SYCP2L: variants seen among roughly 807,000 people sequenced by gnomAD.
SYCP2L encodes the protein synaptonemal complex protein 2-like.
SYCP2L carries 98 observed loss-of-function variants against 125.8 expected under a neutral mutation model. The ratio of observed to expected loss-of-function variants is 0.78; its 90% CI spans 0.66 to 0.92. The LOEUF (loss-of-function observed/expected upper bound fraction) is 0.92. Among genes scored for constraint, SYCP2L ranks in the 40% least tolerant of loss-of-function variants. SYCP2L has a pLI of 0.00. For missense variants in SYCP2L, 842 were observed against 936.4 expected (o/e 0.90, Z 1.32); for synonymous variants, 317 against 325.4 (o/e 0.97, Z 0.28).
At chr6:10,972,788 A>C (rs1299868159) in intron 29 of SYCP2L, among the ~76,000 whole-genome samples, 1 of 152,160 alleles carries the variant, frequency 6.6e-6, no homozygotes, top group Non-Finnish European at 1.5e-5. Flanking sequence ...TCAGCCTCCC[A>C]AAATGCTGAG....
rs771742852 is a variant in SYCP2L at position 10,927,312 on chromosome 6, A to G, written c.1385A>G (p.His462Arg). 1.4e-5 allele frequency: 22 copies of G among 1,614,054 alleles called. No homozygotes were observed. The highest frequency in any genetic ancestry group is 1.6e-5 in the Non-Finnish European group (19 of 1,180,038). Residue 462 changes from histidine (H) to arginine (R), a missense_variant, in exon 17 of 30, where the codon CAC becomes CGC. Transcript: ENST00000283141. ...AEDDRCLITLHLNDQSEPPVI... is the reference protein window; with the variant it reads ...AEDDRCLITLRLNDQSEPPVI... ...GATGACCGCTGCCTAATAACTCTCC[A>G]CTTAAATGACCAATCTGAGCCACCT...
At chr6:10,910,684 C>A in intron 11 of SYCP2L, 140 bp from the exon 12 acceptor site, 2 of 865,860 alleles carry the variant, frequency 2.3e-6, no homozygotes, top group Non-Finnish European at 3.8e-6. Context: ...TCTCCATTTG[C>A]AGGCTTGAAA....
chr6:10,955,532 A>G (rs1307454743), intron 24 of SYCP2L, among the ~76,000 whole-genome samples: 2 of 152,190 alleles, frequency 1.3e-5, no homozygotes, highest in Non-Finnish European at 2.9e-5. Context: ...TTTTTGTGTG[A>G]GAAATATCTA....
chr6:10,924,153 G>A (rs531400564), intron 14 of SYCP2L, among the ~76,000 whole-genome samples: 1 of 152,110 alleles, frequency 6.6e-6, no homozygotes, highest in Non-Finnish European at 1.5e-5. Flanking sequence ...GTATATTTGG[G>A]AATAAAATAC....
chr6:10,887,192 G>C, intron 1 of SYCP2L, 57 bp downstream of exon 1: 1 of 1,610,014 alleles, frequency 6.2e-7, no homozygotes, highest in Admixed American at 1.7e-5. Flanking sequence ...GCGCGCGAGG[G>C]CGCGGGGTCC....
At chr6:10,952,793 CT>C (rs996607532) in intron 23 of SYCP2L, among the ~76,000 whole-genome samples, 7 of 151,294 alleles carry the variant, frequency 4.6e-5, no homozygotes, top group African/African-American at 1.5e-4. Context: ...TAATTGGGTT[CT>C]TTTTTTTTAT....
intron 10 of SYCP2L, among the ~76,000 whole-genome samples, chr6:10,907,900 T>G (rs1016945700): frequency 7.7e-6 from 1 of 130,398 alleles, no homozygotes; most frequent in African/African-American, 3.2e-5. Flanking sequence ...AGGTTTTTTT[T>G]TTTTTTTTTT....
chr6:10,926,930 C>T (rs1282475251), intron 16 of SYCP2L, among the ~76,000 whole-genome samples: 1 of 152,134 alleles, frequency 6.6e-6, no homozygotes, highest in African/African-American at 2.4e-5. Flanking sequence ...CAGGTGTGTG[C>T]CACCATGCCC....
chr6:10,914,738 GTTTTTTTTTTT>G (rs34095541), intron 14 of SYCP2L, among the ~76,000 whole-genome samples: 1 of 107,802 alleles, frequency 9.3e-6, no homozygotes, highest in South Asian at 3.0e-4. Flanking sequence ...ATATCCCTAA[GTTTTTTTTTTT>G]TTTTTTTTTT....
chr6:10,889,495 A>G (rs554484057), intron 1 of SYCP2L, among the ~76,000 whole-genome samples: 2 of 152,216 alleles, frequency 1.3e-5, no homozygotes, highest in Admixed American at 1.3e-4. Context: ...TTGCAGTACT[A>G]TCTTACTCTA....
At chr6:10,909,116 ATTTTTTT>A (rs67767345) in intron 10 of SYCP2L, among the ~76,000 whole-genome samples, 25,896 of 95,858 alleles carry the variant, frequency 0.27, 2,973 homozygotes, top group Admixed American at 0.45. Context: ...TCTCAATTGA[ATTTTTTT>A]TTTTTTTTTT....
chr6:10,906,792 T>C (rs578133073), intron 9 of SYCP2L, among the ~76,000 whole-genome samples: 194 of 151,416 alleles, frequency 1.3e-3, no homozygotes, highest in African/African-American at 4.5e-3. Flanking sequence ...GAGACGGGGA[T>C]TTCACCATGT....
chr6:10,933,615 C>T (rs1781037855), intron 20 of SYCP2L, among the ~76,000 whole-genome samples: 1 of 152,302 alleles, frequency 6.6e-6, no homozygotes, highest in Non-Finnish European at 1.5e-5. Flanking sequence ...TATGACTTCA[C>T]GTTCTTCCAA....
Position 10,954,508 on chromosome 6 carries a change from A to G in SYCP2L, c.1955-608A>G, listed in dbSNP as rs1455993492. Among the ~76,000 whole-genome samples the G allele has an allele frequency of 6.6e-6, 1 of 152,206 alleles. No homozygotes were observed. The highest frequency in any genetic ancestry group is 6.5e-5 in the Admixed American group (1 of 15,280). Reference sequence around the variant, plus strand: ...GCATAAAGCCAGGGCTCTGTGAACCATGGTGGTGCCATTGATAAGATGATG... The same window carrying G: ...GCATAAAGCCAGGGCTCTGTGAACCGTGGTGGTGCCATTGATAAGATGATG... On this transcript the variant is annotated intron_variant, in intron 23 of 29. Transcript: ENST00000283141. The surrounding 1 kb of genome is among the most constrained non-coding windows in gnomAD (Gnocchi z 4.8).
intron 4 of SYCP2L, among the ~76,000 whole-genome samples, chr6:10,897,718 A>G (rs1016895890): frequency 1.3e-5 from 2 of 152,080 alleles, no homozygotes; most frequent in African/African-American, 4.8e-5. Context: ...GGCCTCATTT[A>G]TCTCTTAAAT....
At chr6:10,965,544 T>C (rs1329785786) in intron 29 of SYCP2L, among the ~76,000 whole-genome samples, 1 of 152,138 alleles carries the variant, frequency 6.6e-6, no homozygotes, top group East Asian at 1.9e-4. Flanking sequence ...TTTAACAAAA[T>C]GGACTTCTAA....
intron 10 of SYCP2L, among the ~76,000 whole-genome samples, chr6:10,908,164 AG>A (rs1190346927): frequency 6.6e-6 from 1 of 152,148 alleles, no homozygotes; most frequent in Non-Finnish European, 1.5e-5. Context: ...CTGGAATTAT[AG>A]GCATGAGCCA....
intron 23 of SYCP2L, among the ~76,000 whole-genome samples, chr6:10,949,202 C>T (rs559127930): frequency 4.8e-4 from 73 of 151,960 alleles, no homozygotes; most frequent in African/African-American, 1.6e-3. Flanking sequence ...TGCTCTTTTT[C>T]CAGCTTTTGA....
chr6:10,891,611 CTCTGTGTGTGTG>C lies in SYCP2L; in HGVS notation c.78+32_78+43del, dbSNP rs60596035. ...AGATCAAGTTTCTTTTATAATCTCT[CTCTGTGTGTGTG>C]TGTGTGTGTGTGTGTGTGTGTGTGT... is the stretch of plus-strand genomic sequence containing the variant. On this transcript the variant is annotated intron_variant, in intron 2 of 29. Coordinates refer to ENST00000283141, the MANE Select transcript of SYCP2L (RefSeq NM_001040274.3). 5.3e-3 allele frequency: 689 copies of C among 130,214 alleles called. 30 individuals are homozygous for C. The highest frequency in any genetic ancestry group is 0.01 in the African/African-American group (226 of 22,492). The allele number at this position is 130,214 out of a possible 1,614,324, so 8.1% of individuals were successfully genotyped here.
Sources: gnomAD v4.1 joint callset for allele counts (sites outside exome capture counted in the v4.1 genomes callset) on GRCh38, gnomAD v4.1.1 for gene constraint, Gnocchi (gnomAD v3.1) non-coding constraint, MANE v1.5 for transcripts, NCBI Gene and HGNC (gene_info 2026-07-23, HGNC 2026-07-21) for gene names.